Variants in PPP2R3A observed in about 807,000 individuals in gnomAD.
PPP2R3A encodes protein phosphatase 2 regulatory subunit B''alpha, also known as serine/threonine-protein phosphatase 2A regulatory subunit B'' subunit alpha.
In PPP2R3A, 80 loss-of-function variants were observed where a neutral mutation model predicts 106.9. The ratio of observed to expected loss-of-function variants is 0.75; its 90% CI spans 0.62 to 0.90. PPP2R3A has a LOEUF of 0.90. Ranked by LOEUF, PPP2R3A falls within the 40% of genes least tolerant of loss-of-function variation. The probability of loss-of-function intolerance (pLI) is 0.00; values close to 1 mark genes in which losing one functional copy is unlikely to be tolerated. For missense variants in PPP2R3A, 1,386 were observed against 1,350.4 expected (o/e 1.03, Z -0.41); for synonymous variants, 483 against 468.3 (o/e 1.03, Z -0.41).
chr3:135,975,312 A>G (rs1937386451), intron 1 of PPP2R3A, among the ~76,000 whole-genome samples: 1 of 152,152 alleles, frequency 6.6e-6, no homozygotes, highest in Non-Finnish European at 1.5e-5. Flanking sequence ...GTCTATCTAG[A>G]TAGCAAGTTT....
intron 13 of PPP2R3A, among the ~76,000 whole-genome samples, chr3:136,119,367 A>C (rs1559931037): frequency 6.6e-6 from 1 of 152,232 alleles, no homozygotes; most frequent in South Asian, 2.1e-4. Flanking sequence ...AAAATTGACA[A>C]ATGGGATCTA....
At chr3:136,058,773 A>G (rs1380737117) in intron 5 of PPP2R3A, among the ~76,000 whole-genome samples, 2 of 152,064 alleles carry the variant, frequency 1.3e-5, no homozygotes, top group Non-Finnish European at 2.9e-5. Flanking sequence ...AAGGCTACAC[A>G]GTGTGGTACC....
chr3:136,019,434 T>C (rs990703868), intron 2 of PPP2R3A, among the ~76,000 whole-genome samples: 2 of 152,166 alleles, frequency 1.3e-5, no homozygotes, highest in African/African-American at 4.8e-5. Context: ...TTTTCTCTTA[T>C]AATTCCCAGC....
chr3:136,030,780 A>ATATATATATATATATATATG (rs1934851959), intron 3 of PPP2R3A, among the ~76,000 whole-genome samples: 13 of 91,032 alleles, frequency 1.4e-4, no homozygotes, highest in Non-Finnish European at 3.2e-4. Context: ...ATATATATAT[A>ATATATATATATATATATATG]TGTATGTATG....
At chr3:136,046,454 C>T (rs75687552) in intron 4 of PPP2R3A, among the ~76,000 whole-genome samples, 1 of 127,884 alleles carries the variant, frequency 7.8e-6, no homozygotes, top group East Asian at 2.3e-4. Context: ...AACTCCATCT[C>T]AAAAAAAAAA....
At chr3:136,080,686 A>G (rs560595247) in intron 7 of PPP2R3A, among the ~76,000 whole-genome samples, 10 of 152,260 alleles carry the variant, frequency 6.6e-5, no homozygotes, top group Non-Finnish European at 1.3e-4. Flanking sequence ...TTTTGTCTGT[A>G]TTCATCTAGT....
chr3:136,077,658 T>A (rs1576484651), intron 6 of PPP2R3A, among the ~76,000 whole-genome samples: 1 of 152,130 alleles, frequency 6.6e-6, no homozygotes, highest in East Asian at 1.9e-4. Context: ...CCTCCAGGAT[T>A]GCAGCTTCCA....
chr3:136,018,159 C>G (rs1034440523), intron 2 of PPP2R3A, among the ~76,000 whole-genome samples: 4 of 152,140 alleles, frequency 2.6e-5, no homozygotes, highest in African/African-American at 9.7e-5. Context: ...CCCAGCTACT[C>G]AGCAGGCTGA....
At chr3:136,134,004 A>C (rs1042466756) in intron 13 of PPP2R3A, among the ~76,000 whole-genome samples, 1 of 152,112 alleles carries the variant, frequency 6.6e-6, no homozygotes, top group African/African-American at 2.4e-5. Context: ...GCAAGAGCCA[A>C]AAAACTTCAG....
chr3:136,092,628 A>C (rs1260860040), intron 10 of PPP2R3A, among the ~76,000 whole-genome samples: 1 of 152,236 alleles, frequency 6.6e-6, no homozygotes, highest in Non-Finnish European at 1.5e-5. Context: ...TTTCACTACA[A>C]AGTGAAAGTA....
intron 4 of PPP2R3A, among the ~76,000 whole-genome samples, chr3:136,048,258 C>T (rs887319054): frequency 1.3e-5 from 2 of 152,116 alleles, no homozygotes; most frequent in Non-Finnish European, 2.9e-5. Context: ...GTAGCATTTA[C>T]AAATGCCTGG....
At chr3:136,060,635 C>T (rs992618431) in intron 5 of PPP2R3A, among the ~76,000 whole-genome samples, 1 of 152,082 alleles carries the variant, frequency 6.6e-6, no homozygotes, top group Non-Finnish European at 1.5e-5. Flanking sequence ...CTGAGGGCTC[C>T]CCAGGCATGC....
At chr3:136,018,802 T>C (rs1440607559) in intron 2 of PPP2R3A, among the ~76,000 whole-genome samples, 3 of 152,186 alleles carry the variant, frequency 2.0e-5, no homozygotes, top group Non-Finnish European at 4.4e-5. Flanking sequence ...CTCTTCCATA[T>C]AACTCTGCCA....
intron 1 of PPP2R3A, among the ~76,000 whole-genome samples, chr3:135,985,939 A>G (rs1358817805): frequency 2.6e-5 from 4 of 152,190 alleles, no homozygotes; most frequent in Admixed American, 2.0e-4. Context: ...GGAGCCATAA[A>G]TGACTGCAAT....
intron 13 of PPP2R3A, among the ~76,000 whole-genome samples, chr3:136,127,124 GCTT>G (rs1231568058): frequency 3.3e-5 from 5 of 152,210 alleles, no homozygotes; most frequent in African/African-American, 9.6e-5. Flanking sequence ...AAGGATCACA[GCTT>G]CTCGCCAGCA....
At chr3:136,133,527 G>T (rs1396797695) in intron 13 of PPP2R3A, among the ~76,000 whole-genome samples, 1 of 152,114 alleles carries the variant, frequency 6.6e-6, no homozygotes, top group Non-Finnish European at 1.5e-5. Context: ...TGGTAAGGAT[G>T]TAAAACTATA....
At chr3:136,041,253 T>G (rs1164949956) in intron 4 of PPP2R3A, among the ~76,000 whole-genome samples, 1 of 119,354 alleles carries the variant, frequency 8.4e-6, no homozygotes, top group African/African-American at 3.5e-5. Context: ...TTTTTTTGTT[T>G]TTTTTTTTGT....
chr3:136,114,835 A>AG (rs1937679782), intron 13 of PPP2R3A, among the ~76,000 whole-genome samples: 1 of 152,178 alleles, frequency 6.6e-6, no homozygotes, highest in African/African-American at 2.4e-5. Flanking sequence ...ATGTGGGGGA[A>AG]GGGGCAACTG....
intron 13 of PPP2R3A, among the ~76,000 whole-genome samples, chr3:136,137,703 G>A (rs1326280507): frequency 1.3e-5 from 2 of 151,590 alleles, no homozygotes; most frequent in African/African-American, 4.8e-5. Flanking sequence ...AAGCACACCC[G>A]GCTAATTTTT....
Sources: gnomAD v4.1 joint callset for allele counts (sites outside exome capture counted in the v4.1 genomes callset) on GRCh38, gnomAD v4.1.1 for gene constraint, MANE v1.5 for transcripts, NCBI Gene and HGNC (gene_info 2026-07-23, HGNC 2026-07-21) for gene names.